Variants in CECR2 observed in about 807,000 individuals in gnomAD.
The protein encoded by CECR2 is chromatin remodeling regulator CECR2.
A neutral mutation model predicts 154.5 loss-of-function variants in CECR2; 30 were observed. The ratio of observed to expected loss-of-function variants is 0.19; its 90% CI spans 0.15 to 0.26. CECR2 has a LOEUF of 0.26. Among genes scored for constraint, CECR2 ranks in the 10% least tolerant of loss-of-function variants. The pLI is 1.00. For missense variants in CECR2, 1,743 were observed against 1,829.3 expected, an observed-to-expected ratio of 0.95 and a Z score of 0.86; for synonymous variants, 725 against 683.7, an observed-to-expected ratio of 1.06 and a Z score of -0.94.
chr22:17,545,700 G>A (rs764565824), intron 16 of CECR2, among the ~76,000 whole-genome samples: 25 of 151,850 alleles, frequency 1.6e-4, no homozygotes, highest in Non-Finnish European at 2.6e-4. Context: ...AAAATCAGCC[G>A]GGAACAGTGG....
At chr22:17,387,517 C>T (rs1369574051) in intron 1 of CECR2, among the ~76,000 whole-genome samples, 4 of 152,134 alleles carry the variant, frequency 2.6e-5, no homozygotes, top group Non-Finnish European at 4.4e-5. Flanking sequence ...GAGAAGGCCC[C>T]GGCTCCAGCC....
At position 17,469,569 on chromosome 22, in the gene CECR2, G is replaced by A. The variant is rs953764101; in HGVS notation, c.127-8019G>A. 4.0e-5 allele frequency among the ~76,000 whole-genome samples: 6 copies of A among 150,728 alleles called. No individual in the cohort carries two copies. The East Asian group carries it at 1.2e-3, about 30-fold the overall frequency. ...TTTCCCATGATGGACAGCATACAGC[G>A]CATCCTCTTTTGATGATAACATTGT... On this transcript the variant is annotated intron_variant, in intron 1 of 18. Coordinates refer to ENST00000262608, the MANE Select transcript of CECR2 (RefSeq NM_001290047.2).
chr22:17,464,647 G>A (rs778175205), intron 1 of CECR2, among the ~76,000 whole-genome samples: 3 of 151,900 alleles, frequency 2.0e-5, no homozygotes, highest in South Asian at 2.1e-4. Context: ...CTGCAGGCAC[G>A]CACCACCATA....
chr22:17,525,285 CCAAAAAAAAAAAAAAAAAAAAAAAAAAAA>C (rs2056241916), intron 9 of CECR2, among the ~76,000 whole-genome samples: 2 of 32,324 alleles, frequency 6.2e-5, no homozygotes, highest in Middle Eastern at 0.083. Flanking sequence ...AACTCCATCT[CCAAAAAAAAAAAAAAAAAAAAAAAAAAAA>C]AGAAAGGAAG....
Position 17,477,570 on chromosome 22 carries a change from C to T in CECR2, c.127-18C>T, listed in dbSNP as rs763243622. 2 of 1,541,810 alleles carry T rather than the reference C, an allele frequency of 1.3e-6. No individual in the cohort carries two copies. The highest frequency in any genetic ancestry group is 1.8e-6 in the Non-Finnish European group (2 of 1,115,458). On this transcript the variant is annotated intron_variant, in intron 1 of 18. Coordinates refer to ENST00000262608, the MANE Select transcript of CECR2 (RefSeq NM_001290047.2). ...AATCTCTGTTTGATTTCTCAACTTC[C>T]CTCTCTCCCTCCCTCAGGAGTTAGA... is the stretch of plus-strand genomic sequence containing the variant.
At chr22:17,486,690 TAA>T (rs768945048) in intron 2 of CECR2, among the ~76,000 whole-genome samples, 1 of 152,214 alleles carries the variant, frequency 6.6e-6, no homozygotes, top group Non-Finnish European at 1.5e-5. Flanking sequence ...AGTGACTTAT[TAA>T]GTGTAAGGCA....
At chr22:17,467,503 C>T (rs1296250902) in intron 1 of CECR2, among the ~76,000 whole-genome samples, 3 of 151,842 alleles carry the variant, frequency 2.0e-5, no homozygotes, top group African/African-American at 7.3e-5. Context: ...TTTAAAAGGT[C>T]CCGGGTGCGG....
At chr22:17,379,991 C>T (rs1453216646) in intron 1 of CECR2, among the ~76,000 whole-genome samples, 1 of 151,920 alleles carries the variant, frequency 6.6e-6, no homozygotes, top group Admixed American at 6.6e-5. Context: ...GTATTCAATC[C>T]CCACAGAGAC....
intron 16 of CECR2, among the ~76,000 whole-genome samples, chr22:17,544,564 AC>A: frequency 1.3e-5 from 2 of 150,804 alleles, no homozygotes; most frequent in South Asian, 4.2e-4. Flanking sequence ...TAATTCCAGC[AC>A]TTTAGGAGGC....
At chr22:17,389,993 G>A (rs2063309514) in intron 1 of CECR2, among the ~76,000 whole-genome samples, 1 of 152,108 alleles carries the variant, frequency 6.6e-6, no homozygotes, top group Non-Finnish European at 1.5e-5. Context: ...AGTAAGATCT[G>A]TAGATAATAG....
chr22:17,428,826 G>GTGTGTGTGTGTGTGTATA (rs369291932), intron 1 of CECR2, among the ~76,000 whole-genome samples: 47 of 150,588 alleles, frequency 3.1e-4, no homozygotes, highest in African/African-American at 1.1e-3. Context: ...GTGTGTGTGT[G>GTGTGTGTGTGTGTGTATA]TATATAAAGG....
At chr22:17,508,068 T>C (rs911373394) in intron 7 of CECR2, among the ~76,000 whole-genome samples, 4 of 152,200 alleles carry the variant, frequency 2.6e-5, no homozygotes, top group African/African-American at 9.7e-5. Flanking sequence ...AAACATACTC[T>C]CCTCATTCCA....
At position 17,413,324 on chromosome 22, in the gene CECR2, C is replaced by T. The variant is rs5992684; in HGVS notation, c.126+43415C>T. 6.1e-3 allele frequency among the ~76,000 whole-genome samples: 932 copies of T among 152,294 alleles called. 11 individuals carry two copies. The highest frequency in any genetic ancestry group is 0.021 in the African/African-American group (889 of 41,558). ...GACATACTCCTTTGCAGGATTTCTTCGTTTCCAAGCAAATACCCTGTAAGA... is the reference window on the plus strand; with the variant it reads ...GACATACTCCTTTGCAGGATTTCTTTGTTTCCAAGCAAATACCCTGTAAGA... On this transcript the variant is annotated intron_variant, in intron 1 of 18. Coordinates refer to ENST00000262608, the MANE Select transcript of CECR2 (RefSeq NM_001290047.2).
chr22:17,375,925 A>G (rs1360760318), intron 1 of CECR2, among the ~76,000 whole-genome samples: 1 of 151,308 alleles, frequency 6.6e-6, no homozygotes, highest in Non-Finnish European at 1.5e-5. Context: ...ATTGCACTCC[A>G]GCCTGGGCAA....
Position 17,548,903 on chromosome 22 carries a change from C to T in CECR2, c.3616C>T (p.Pro1206Ser). Residue 1206 changes from proline to serine, a missense_variant, in exon 17 of 19, where the codon CCA (proline) becomes TCA (serine). Physicochemically the swap from Pro to Ser is moderately conservative, Grantham distance 74. Transcript: ENST00000262608. Reference sequence around the variant, plus strand: ...TCAGCGAACTCCTTACTATGCCTGTCCACAGAGCTTTTCTGACTGGCAGAG... The same window carrying T: ...TCAGCGAACTCCTTACTATGCCTGTTCACAGAGCTTTTCTGACTGGCAGAG... ...HYQRTPYYACPQSFSDWQRPL... is the reference protein window; with the variant it reads ...HYQRTPYYACSQSFSDWQRPL... 6.2e-7 allele frequency: 1 copy of T among 1,613,404 alleles called. No homozygotes were observed. The highest frequency in any genetic ancestry group is 8.5e-7 in the Non-Finnish European group (1 of 1,179,518).
At chr22:17,385,939 A>C (rs2063254939) in intron 1 of CECR2, among the ~76,000 whole-genome samples, 1 of 152,258 alleles carries the variant, frequency 6.6e-6, no homozygotes, top group African/African-American at 2.4e-5. Context: ...GCATGTGATG[A>C]AGGTTGCGTC....
intron 1 of CECR2, among the ~76,000 whole-genome samples, chr22:17,378,359 C>T (rs945239009): frequency 2.9e-4 from 44 of 150,428 alleles, no homozygotes; most frequent in African/African-American, 9.8e-4. Context: ...TGCAGTGGCA[C>T]GATCTCGGCT....
intron 8 of CECR2, among the ~76,000 whole-genome samples, chr22:17,512,634 C>T (rs749412883): frequency 8.8e-5 from 13 of 148,228 alleles, no homozygotes; most frequent in Non-Finnish European, 1.3e-4. Flanking sequence ...ACCCAGAAGG[C>T]GGAGGTTGCA....
chr22:17,510,771 T>C (rs767224724), intron 7 of CECR2, among the ~76,000 whole-genome samples: 11 of 152,034 alleles, frequency 7.2e-5, no homozygotes, highest in Non-Finnish European at 1.2e-4. Flanking sequence ...CTGGCTAATT[T>C]TTTGTGTGTG....
Sources: allele counts gnomAD v4.1 joint callset (sites outside exome capture counted in the v4.1 genomes callset), GRCh38; gene constraint gnomAD v4.1.1; transcripts MANE v1.5; gene names NCBI Gene and HGNC (gene_info 2026-07-23, HGNC 2026-07-21).